UBE4B: variants seen among roughly 807,000 people sequenced by gnomAD.
UBE4B encodes the protein ubiquitin conjugation factor E4 B.
A neutral mutation model predicts 148.1 loss-of-function variants in UBE4B; 27 were observed. The observed-to-expected ratio is 0.18, with a 90% CI of 0.13 to 0.25. The LOEUF is 0.25. Among genes scored for constraint, UBE4B ranks in the 10% least tolerant of loss-of-function variants. UBE4B has a pLI of 1.00. For synonymous variants in UBE4B, 596 were observed against 619.3 expected (o/e 0.96, Z 0.56); for missense variants, 1,170 against 1,662.4 (o/e 0.70, Z 5.15).
chr1:10,131,877 C>T (rs1046721821), intron 14 of UBE4B, among the ~76,000 whole-genome samples: 15 of 151,140 alleles, frequency 9.9e-5, no homozygotes, highest in East Asian at 3.9e-4. Context: ...CGCTTGAAAC[C>T]GGGAGGCGGA....
rs1466547747 is a variant in UBE4B, at chr1:10,132,126, C to CT, written c.1912-242dup. On this transcript the variant is annotated intron_variant, in intron 14 of 27. Coordinates refer to ENST00000343090, the MANE Select transcript of UBE4B (RefSeq NM_001105562.3). ...GCCTGGCAACAGAGCTAGACTCTGT[C>CT]TCAAAAAAAAACAAAAAACTGTAAC... Among the ~76,000 whole-genome samples the CT allele has an allele frequency of 1.8e-3, 278 of 152,008 alleles. 3 individuals carry two copies. Among genetic ancestry groups the CT allele is most frequent in the African/African-American group, 6.2e-3 (259 of 41,488 alleles).
chr1:10,161,073 C>G lies in UBE4B; in HGVS notation c.3054-69C>G. The G allele has an allele frequency of 6.4e-7, 1 of 1,566,462 alleles. No individual in the cohort carries two copies. Among genetic ancestry groups the G allele is most frequent in the Non-Finnish European group, 8.7e-7 (1 of 1,149,204 alleles). On this transcript the variant is annotated intron_variant, in intron 22 of 27. Transcript: ENST00000343090. This position sits in a 1 kb window ranked among gnomAD's most constrained non-coding sequence, Gnocchi z 4.1. ...GCAGTCTGGGTGGAGGTGCTTGTTCCCTGGGATTTGCTGTGGCATTTTGCT... is the reference window on the plus strand; with the variant it reads ...GCAGTCTGGGTGGAGGTGCTTGTTCGCTGGGATTTGCTGTGGCATTTTGCT...
At chr1:10,177,798 A>G (rs1646449263) in intron 25 of UBE4B, among the ~76,000 whole-genome samples, 1 of 152,196 alleles carries the variant, frequency 6.6e-6, no homozygotes, top group Non-Finnish European at 1.5e-5. Context: ...CTATAAATAC[A>G]AACTACAGCA....
chr1:10,044,139 A>G (rs751374851), intron 1 of UBE4B, among the ~76,000 whole-genome samples: 4 of 152,010 alleles, frequency 2.6e-5, no homozygotes, highest in Middle Eastern at 3.4e-3. Flanking sequence ...GCCAGGTGCC[A>G]GGTTCAAGCG....
chr1:10,144,179 A>C (rs922048452), intron 17 of UBE4B, among the ~76,000 whole-genome samples: 15 of 152,206 alleles, frequency 9.9e-5, no homozygotes, highest in Non-Finnish European at 1.3e-4. Context: ...GGAGTGAAGG[A>C]GCAAAGCCAG....
intron 7 of UBE4B, among the ~76,000 whole-genome samples, chr1:10,116,288 G>A (rs895000127): frequency 1.3e-5 from 2 of 152,076 alleles, no homozygotes; most frequent in Admixed American, 6.6e-5. Context: ...GATTACAGAC[G>A]TGTGCCACCA....
intron 10 of UBE4B, 132 bp downstream of exon 10, chr1:10,122,208 A>G (rs1384389265): frequency 1.8e-6 from 1 of 556,104 alleles, no homozygotes; most frequent in South Asian, 2.5e-5. Context: ...CCTACCCAAT[A>G]TTCTTTTGAG....
chr1:10,054,553 C>A, intron 1 of UBE4B: 1 of 313,378 alleles, frequency 3.2e-6, no homozygotes, highest in South Asian at 3.3e-5. Context: ...TTTTTCTGAT[C>A]ATTTTCCTTC....
chr1:10,054,685 A>C, intron 1 of UBE4B: 1 of 266,016 alleles, frequency 3.8e-6, no homozygotes, highest in South Asian at 5.3e-5. Context: ...ATGCTGGGTA[A>C]CATTGTAGAC....
intron 1 of UBE4B, among the ~76,000 whole-genome samples, chr1:10,060,132 A>G (rs1301071257): frequency 1.3e-5 from 2 of 152,106 alleles, no homozygotes. Flanking sequence ...TGTAACCTAC[A>G]TGGTGATTTA....
chr1:10,068,551 G>A (rs543273384), intron 1 of UBE4B, among the ~76,000 whole-genome samples: 10 of 151,430 alleles, frequency 6.6e-5, no homozygotes, highest in African/African-American at 1.9e-4. Flanking sequence ...GGGTTTCCCC[G>A]TGTTAGTCGG....
intron 20 of UBE4B, among the ~76,000 whole-genome samples, chr1:10,150,816 T>C (rs1344476673): frequency 1.2e-4 from 17 of 138,740 alleles, no homozygotes; most frequent in East Asian, 1.1e-3. Flanking sequence ...GCCGAGATTG[T>C]GCCACTGCAC....
intron 2 of UBE4B, among the ~76,000 whole-genome samples, chr1:10,087,001 GC>G (rs572147918): frequency 0.017 from 2,619 of 152,290 alleles, 34 homozygotes; most frequent in Non-Finnish European, 0.027. Flanking sequence ...ACTTAGGTAT[GC>G]TAAAAGTGGA....
chr1:10,067,686 G>A (rs770248292), intron 1 of UBE4B, among the ~76,000 whole-genome samples: 3 of 151,330 alleles, frequency 2.0e-5, no homozygotes, highest in Non-Finnish European at 4.4e-5. Flanking sequence ...GCTCTCTGCA[G>A]CCTTGACCTT....
intron 9 of UBE4B, among the ~76,000 whole-genome samples, chr1:10,121,619 C>T (rs1027993924): frequency 6.6e-6 from 1 of 152,004 alleles, no homozygotes; most frequent in Non-Finnish European, 1.5e-5. Flanking sequence ...GTCTTCAACT[C>T]TGGGCCTCAA....
At chr1:10,042,151 A>G (rs79383368) in intron 1 of UBE4B, among the ~76,000 whole-genome samples, 2,637 of 152,308 alleles carry the variant, frequency 0.017, 36 homozygotes, top group Non-Finnish European at 0.027. Flanking sequence ...GAGCTCATCA[A>G]GTAGCCCCAA....
At position 10,158,381 on chromosome 1, in the gene UBE4B, T is replaced by C. The variant is rs2273299; in HGVS notation, c.2952T>C (p.Ser984=). The C allele has an allele frequency of 0.17, 267,137 of 1,613,580 alleles. 34,796 individuals carry two copies. The highest frequency in any genetic ancestry group is 0.7 in the African/African-American group (52,156 of 74,904). ...YTDVEHTGAT[S]EFYDKFTIRY... is the part of the protein sequence containing the mutation. ...ATGTTGAGCATACCGGAGCCACCAGTGAGTTTTATGACAAGTTCACAATTC... is the reference window on the plus strand; with the variant it reads ...ATGTTGAGCATACCGGAGCCACCAGCGAGTTTTATGACAAGTTCACAATTC... Residue 984 remains serine (S), a synonymous_variant, in exon 22 of 28, where the codon AGT becomes AGC. Transcript: ENST00000343090.
intron 2 of UBE4B, among the ~76,000 whole-genome samples, chr1:10,093,338 T>A (rs951729873): frequency 3.3e-5 from 5 of 152,202 alleles, no homozygotes; most frequent in African/African-American, 1.2e-4. Context: ...AGGGCTTACT[T>A]TGGGTTATAT....
At chr1:10,080,065 C>T (rs375711137) in intron 2 of UBE4B, among the ~76,000 whole-genome samples, 151 of 152,240 alleles carry the variant, frequency 9.9e-4, no homozygotes, top group African/African-American at 3.5e-3. Context: ...GTCACTTTCT[C>T]AGGCTCCCGG....
Sources: allele counts gnomAD v4.1 joint callset (sites outside exome capture counted in the v4.1 genomes callset), GRCh38; gene constraint gnomAD v4.1.1; non-coding constraint Gnocchi (gnomAD v3.1); transcripts MANE v1.5; gene names NCBI Gene and HGNC (gene_info 2026-07-23, HGNC 2026-07-21).